Variants in PLXNA4 observed in about 807,000 individuals in gnomAD.
PLXNA4 encodes the protein plexin-A4.
PLXNA4 carries 44 observed loss-of-function variants against 191.8 expected under a neutral mutation model. That is an observed-to-expected ratio of 0.23 (90% CI 0.18 to 0.29). The LOEUF (loss-of-function observed/expected upper bound fraction) is 0.29, where lower values mean the gene tolerates loss of function less well. PLXNA4 is among the 10% of genes least tolerant of loss of function. The pLI, the probability that PLXNA4 is intolerant of heterozygous loss-of-function variation, is 1.00. For synonymous variants in PLXNA4, 1,082 were observed against 1,009.5 expected, an observed-to-expected ratio of 1.07 and a Z score of -1.36; for missense variants, 1,800 against 2,488.8, an observed-to-expected ratio of 0.72 and a Z score of 5.89.
At chr7:132,423,547 C>T in intron 3 of PLXNA4, among the ~76,000 whole-genome samples, 1 of 152,206 alleles carries the variant, frequency 6.6e-6, no homozygotes, top group South Asian at 2.1e-4. Flanking sequence ...CATGTATGCC[C>T]ATCCAGCTTT....
chr7:132,396,512 A>C (rs1585079351), intron 3 of PLXNA4, among the ~76,000 whole-genome samples: 1 of 152,040 alleles, frequency 6.6e-6, no homozygotes, highest in Non-Finnish European at 1.5e-5. Flanking sequence ...TTTGTTTTTG[A>C]GACAGTCAAC....
chr7:132,407,711 C>T (rs918832837), intron 3 of PLXNA4, among the ~76,000 whole-genome samples: 4 of 152,170 alleles, frequency 2.6e-5, no homozygotes, highest in African/African-American at 9.7e-5. Flanking sequence ...GGGGCCAATT[C>T]TTTTGCTTTC....
At chr7:132,203,258 G>T in intron 11 of PLXNA4, 65 bp downstream of exon 11, 3 of 1,444,228 alleles carry the variant, frequency 2.1e-6, no homozygotes, top group South Asian at 1.2e-5. Flanking sequence ...AATGCAGGAC[G>T]GCTCCTTCCC....
chr7:132,185,181 T>C, intron 16 of PLXNA4, 118 bp downstream of exon 16: 2 of 1,387,840 alleles, frequency 1.4e-6, no homozygotes, highest in Non-Finnish European at 1.9e-6. Flanking sequence ...TGGAATCAAT[T>C]CCAGCTCATC....
intron 3 of PLXNA4, among the ~76,000 whole-genome samples, chr7:132,327,308 G>T (rs1048006707): frequency 2.0e-5 from 3 of 152,126 alleles, no homozygotes; most frequent in Non-Finnish European, 4.4e-5. Flanking sequence ...TCCAGGGGTA[G>T]GTTGCAATCT....
intron 2 of PLXNA4, among the ~76,000 whole-genome samples, chr7:132,603,698 C>T (rs936801263): frequency 6.6e-6 from 1 of 152,168 alleles, no homozygotes; most frequent in Admixed American, 6.5e-5. Context: ...CAGGGCCAAC[C>T]TTAGGACTTG....
chr7:132,371,185 G>A (rs1223614648), intron 3 of PLXNA4, among the ~76,000 whole-genome samples: 3 of 152,174 alleles, frequency 2.0e-5, no homozygotes, highest in Admixed American at 6.5e-5. Context: ...ACGTGCAAAG[G>A]TGGAAATCAT....
intron 1 of PLXNA4, among the ~76,000 whole-genome samples, chr7:132,531,124 G>C (rs995090478): frequency 4.6e-5 from 7 of 152,196 alleles, no homozygotes; most frequent in Admixed American, 4.6e-4. Flanking sequence ...TGGGGAAGAT[G>C]ACAAAGTTCT....
intron 3 of PLXNA4, among the ~76,000 whole-genome samples, chr7:132,407,514 ATGCACACACACT>A (rs148716981): frequency 0.016 from 2,460 of 152,354 alleles, 33 homozygotes; most frequent in Middle Eastern, 0.051. Flanking sequence ...AAATACACAC[ATGCACACACACT>A]TGCACACACA....
At chr7:132,453,999 C>T (rs1199657239) in intron 3 of PLXNA4, among the ~76,000 whole-genome samples, 5 of 152,182 alleles carry the variant, frequency 3.3e-5, no homozygotes, top group Non-Finnish European at 7.3e-5. Flanking sequence ...AGGTTTGCAC[C>T]ACATGCTGAG....
In PLXNA4 at chr7:132,296,442, T is replaced by TTC. The variant is rs1335520311; in HGVS notation, c.1503+1648_1503+1649insGA. Among the ~76,000 whole-genome samples the TTC allele has an allele frequency of 1.4e-4, 3 of 21,804 alleles. No individual in the cohort carries two copies. The African/African-American group carries it at 3.4e-3, about 25-fold the overall frequency. The allele number at this position is 21,804 out of a possible 152,430, so 14.3% of individuals were successfully genotyped here. On this transcript the variant is annotated intron_variant, in intron 4 of 31. Coordinates refer to ENST00000321063, the MANE Select transcript of PLXNA4 (RefSeq NM_020911.2). ...TTTGTTTTTTTGTTTTTAATTTCTC[T>TTC]TTTTTTTTTTTTAGAGACAAAGTCT... is the stretch of plus-strand genomic sequence containing the variant.
chr7:132,519,034 G>A (rs1259735162), intron 1 of PLXNA4, among the ~76,000 whole-genome samples: 1 of 152,182 alleles, frequency 6.6e-6, no homozygotes, highest in East Asian at 1.9e-4. Context: ...CTGTGCCTTG[G>A]GACAGTCACT....
intron 3 of PLXNA4, among the ~76,000 whole-genome samples, chr7:132,427,809 A>G (rs1795105071): frequency 6.6e-6 from 1 of 152,228 alleles, no homozygotes; most frequent in Non-Finnish European, 1.5e-5. Context: ...TGCTTGCAGA[A>G]TCCAATGTGA....
chr7:132,487,700 T>C (rs1052077370), intron 3 of PLXNA4, among the ~76,000 whole-genome samples: 1 of 151,980 alleles, frequency 6.6e-6, no homozygotes, highest in Non-Finnish European at 1.5e-5. Context: ...CAACTGGAAG[T>C]GATGAGTGGC....
intron 3 of PLXNA4, among the ~76,000 whole-genome samples, chr7:132,463,196 G>A (rs1563113554): frequency 6.6e-6 from 1 of 152,100 alleles, no homozygotes; most frequent in Non-Finnish European, 1.5e-5. Context: ...AATAAAAATT[G>A]TAGGGTACCA....
intron 2 of PLXNA4, among the ~76,000 whole-genome samples, chr7:132,619,338 C>T (rs1217705327): frequency 6.6e-6 from 1 of 152,014 alleles, no homozygotes; most frequent in African/African-American, 2.4e-5. Context: ...ACATGAAATA[C>T]AATCTCACGA....
At chr7:132,563,823 CCTCCTTCTCCTCCTCCTCCTTCTGCTG>C (rs1585353330) in intron 1 of PLXNA4, among the ~76,000 whole-genome samples, 1 of 86,080 alleles carries the variant, frequency 1.2e-5, no homozygotes, top group East Asian at 4.0e-4. Context: ...TCCTTCTCCT[CCTCCTTCTCCTCCTCCTCCTTCTGCTG>C]CTCCTCCTCC....
chr7:132,630,868 T>A (rs111330215), intron 2 of PLXNA4, among the ~76,000 whole-genome samples: 1 of 152,208 alleles, frequency 6.6e-6, no homozygotes, highest in Non-Finnish European at 1.5e-5. Context: ...AGAAATAAAT[T>A]AAGTGTTTGA....
chr7:132,533,025 T>C (rs1799686064), intron 1 of PLXNA4, among the ~76,000 whole-genome samples: 1 of 152,170 alleles, frequency 6.6e-6, no homozygotes, highest in Middle Eastern at 3.2e-3. Flanking sequence ...CCACCACAAA[T>C]CCCTCCTAAC....
Sources: allele counts gnomAD v4.1 joint callset (sites outside exome capture counted in the v4.1 genomes callset), GRCh38; gene constraint gnomAD v4.1.1; transcripts MANE v1.5; gene names NCBI Gene and HGNC (gene_info 2026-07-23, HGNC 2026-07-21).